Variants in ARHGEF28 observed in about 807,000 individuals in gnomAD.
The protein encoded by ARHGEF28 is 190 kDa guanine nucleotide exchange factor.
ARHGEF28 carries 152 observed loss-of-function variants against 206.6 expected under a neutral mutation model. The observed-to-expected ratio is 0.74, with a 90% CI of 0.64 to 0.84. The LOEUF is 0.84. Among genes scored for constraint, ARHGEF28 ranks in the 40% least tolerant of loss-of-function variants. ARHGEF28 has a pLI of 0.00. For missense variants in ARHGEF28, 2,028 were observed against 2,073.2 expected, an observed-to-expected ratio of 0.98 and a Z score of 0.42; for synonymous variants, 763 against 776.4, an observed-to-expected ratio of 0.98 and a Z score of 0.29.
At chr5:73,688,900 C>T (rs1399563805) in intron 2 of ARHGEF28, among the ~76,000 whole-genome samples, 1 of 152,228 alleles carries the variant, frequency 6.6e-6, no homozygotes, top group Non-Finnish European at 1.5e-5. Flanking sequence ...GTGATCCACC[C>T]ACCTCGGCCT....
In ARHGEF28 at chr5:73,941,427, G is replaced by A. The variant is rs527763881; in HGVS notation, c.*414G>A. The A allele has an allele frequency of 6.5e-6, 1 of 153,950 alleles. No individual in the cohort carries two copies. The highest frequency in any genetic ancestry group is 6.5e-5 in the Admixed American group (1 of 15,448). 9.5% of individuals were successfully genotyped at this position (153,950 alleles called of 1,614,324 possible). On this transcript the variant is annotated 3_prime_UTR_variant, in exon 36 of 36. Transcript: ENST00000513042. The stretch of plus-strand genomic sequence containing the variant: ...TTTCACAGTCAGGGCAGTTGCCTCA[G>A]TGCCCACATAGGCAGAGGAGGATGT...
chr5:73,712,090 T>C (rs1749286337), intron 2 of ARHGEF28, among the ~76,000 whole-genome samples: 1 of 152,192 alleles, frequency 6.6e-6, no homozygotes, highest in South Asian at 2.1e-4. Flanking sequence ...GTGAATTACA[T>C]TGATTAATAT....
At position 73,715,588 on chromosome 5, in the gene ARHGEF28, A is replaced by G. The variant is rs558556310; in HGVS notation, c.33+30704A>G. Reference sequence around the variant, plus strand: ...AAGGCAAATGTCTACAATACCTTAAAGTTTCTTTTATTAATGTTATTTAAT... The same window carrying G: ...AAGGCAAATGTCTACAATACCTTAAGGTTTCTTTTATTAATGTTATTTAAT... On this transcript the variant is annotated intron_variant, in intron 2 of 35. Transcript: ENST00000513042. Among the ~76,000 whole-genome samples the G allele has an allele frequency of 3.3e-5, 5 of 152,348 alleles. No homozygotes were observed. In the South Asian group the frequency reaches 1.0e-3, roughly 32 times the overall value.
At chr5:73,637,589 G>A (rs1338241343) in intron 1 of ARHGEF28, among the ~76,000 whole-genome samples, 1 of 152,248 alleles carries the variant, frequency 6.6e-6, no homozygotes, top group Non-Finnish European at 1.5e-5. Flanking sequence ...CTTGCTGAGT[G>A]TAGGGGCTCT....
chr5:73,764,581 T>C (rs1752794690), intron 4 of ARHGEF28, among the ~76,000 whole-genome samples: 1 of 152,050 alleles, frequency 6.6e-6, no homozygotes, highest in Admixed American at 6.6e-5. Context: ...CAGCCGGAGG[T>C]GGTTGTAATA....
At chr5:73,874,629 T>C (rs1310515393) in intron 22 of ARHGEF28, among the ~76,000 whole-genome samples, 4 of 143,290 alleles carry the variant, frequency 2.8e-5, no homozygotes, top group Non-Finnish European at 6.0e-5. Flanking sequence ...CCATGTGTTC[T>C]TATTGTTCAA....
intron 1 of ARHGEF28, among the ~76,000 whole-genome samples, chr5:73,658,985 A>ACACACACACG (rs1745410297): frequency 7.0e-6 from 1 of 142,078 alleles, no homozygotes; most frequent in Non-Finnish European, 1.6e-5. Context: ...ACACACACAC[A>ACACACACACG]CACACACACA....
intron 1 of ARHGEF28, among the ~76,000 whole-genome samples, chr5:73,655,051 T>C (rs1480360479): frequency 6.6e-6 from 1 of 152,250 alleles, no homozygotes; most frequent in Non-Finnish European, 1.5e-5. Context: ...ATAGAATCTG[T>C]ACAGTGGCCT....
chr5:73,707,623 G>A (rs1749014513), intron 2 of ARHGEF28, among the ~76,000 whole-genome samples: 1 of 152,126 alleles, frequency 6.6e-6, no homozygotes, highest in African/African-American at 2.4e-5. Flanking sequence ...TAATTTAACT[G>A]TCCCTGACTA....
intron 1 of ARHGEF28, among the ~76,000 whole-genome samples, chr5:73,665,984 A>G (rs1022264840): frequency 6.6e-6 from 1 of 152,182 alleles, no homozygotes; most frequent in Non-Finnish European, 1.5e-5. Flanking sequence ...ACTGTCATAT[A>G]AATCAGAAAT....
chr5:73,757,532 A>G (rs894817663), intron 4 of ARHGEF28, among the ~76,000 whole-genome samples: 1 of 152,098 alleles, frequency 6.6e-6, no homozygotes, highest in African/African-American at 2.4e-5. Context: ...CTTGTCAATC[A>G]TTGAGAGTTA....
chr5:73,651,918 C>T (rs986668127), intron 1 of ARHGEF28, among the ~76,000 whole-genome samples: 6 of 152,172 alleles, frequency 3.9e-5, no homozygotes, highest in Non-Finnish European at 5.9e-5. Flanking sequence ...CCATCCTAGG[C>T]CCAGCTACCA....
chr5:73,900,064 A>T (rs1185335955), intron 30 of ARHGEF28: 2 of 152,240 alleles, frequency 1.3e-5, no homozygotes, highest in Non-Finnish European at 2.9e-5. Context: ...ATTGTAAGTG[A>T]ATAAGTGCTG....
intron 2 of ARHGEF28, among the ~76,000 whole-genome samples, chr5:73,704,453 C>G (rs1237505677): frequency 6.6e-6 from 1 of 152,056 alleles, no homozygotes; most frequent in Non-Finnish European, 1.5e-5. Context: ...GAGATAGGGT[C>G]TCACTCTGTC....
At chr5:73,783,358 GTGTGTGTGTGTGTGTGTGTGTGTGTGTA>G (rs1227714979) in intron 7 of ARHGEF28, among the ~76,000 whole-genome samples, 1 of 103,276 alleles carries the variant, frequency 9.7e-6, no homozygotes, top group Non-Finnish European at 2.0e-5. Flanking sequence ...GTGTGTGTGT[GTGTGTGTGTGTGTGTGTGTGTGTGTGTA>G]TGTGTGTGTG....
At chr5:73,822,557 GA>G (rs1214012796) in intron 9 of ARHGEF28, among the ~76,000 whole-genome samples, 1 of 152,146 alleles carries the variant, frequency 6.6e-6, no homozygotes, top group African/African-American at 2.4e-5. Flanking sequence ...CTAATATCAG[GA>G]AAAATCCTAA....
At chr5:73,636,412 G>C (rs577690827) in intron 1 of ARHGEF28, among the ~76,000 whole-genome samples, 2 of 152,084 alleles carry the variant, frequency 1.3e-5, no homozygotes, top group Non-Finnish European at 2.9e-5. Context: ...AGGTTTTTTC[G>C]TATTAAAAAT....
intron 14 of ARHGEF28, among the ~76,000 whole-genome samples, chr5:73,856,511 AAAACC>A (rs1759049596): frequency 1.3e-5 from 2 of 152,136 alleles, no homozygotes; most frequent in Admixed American, 1.3e-4. Flanking sequence ...TTTGAGCTCT[AAAACC>A]TAATATAGAG....
rs1467561102 is a variant in ARHGEF28, at chr5:73,908,385, A to T, written c.4162-1027A>T. 3.3e-5 allele frequency: 5 copies of T among 152,210 alleles called. No individual in the cohort carries two copies. In the East Asian group the frequency reaches 9.6e-4, roughly 29 times the overall value. 9.4% of individuals were successfully genotyped at this position (152,210 alleles called of 1,614,324 possible). ...ATGGACAGTTTAAAAAATTCTTAGGAAGGAAAAATGTGAATTTATCCCTAG... is the reference window on the plus strand; with the variant it reads ...ATGGACAGTTTAAAAAATTCTTAGGTAGGAAAAATGTGAATTTATCCCTAG... On this transcript the variant is annotated intron_variant, in intron 33 of 35. Coordinates refer to ENST00000513042, the MANE Select transcript of ARHGEF28 (RefSeq NM_001177693.2).
Sources: gnomAD v4.1 joint callset for allele counts (sites outside exome capture counted in the v4.1 genomes callset) on GRCh38, gnomAD v4.1.1 for gene constraint, MANE v1.5 for transcripts, NCBI Gene and HGNC (gene_info 2026-07-23, HGNC 2026-07-21) for gene names.